TMEM132D: variants seen among roughly 807,000 people sequenced by gnomAD.
TMEM132D encodes the protein mature OL transmembrane protein.
Under a neutral mutation model 62.3 loss-of-function variants are expected in TMEM132D, and 21 were observed. The observed-to-expected ratio is 0.34, with a 90% CI of 0.24 to 0.49. The LOEUF (loss-of-function observed/expected upper bound fraction) is 0.49, where lower values mean the gene tolerates loss of function less well. TMEM132D is among the 20% of genes least tolerant of loss of function. TMEM132D has a pLI of 0.99. For missense variants in TMEM132D, 1,346 were observed against 1,402.8 expected, an observed-to-expected ratio of 0.96 and a Z score of 0.65; for synonymous variants, 621 against 575.6, an observed-to-expected ratio of 1.08 and a Z score of -1.13.
At chr12:129,430,183 G>C (rs1034627252) in intron 3 of TMEM132D, among the ~76,000 whole-genome samples, 2 of 152,140 alleles carry the variant, frequency 1.3e-5, no homozygotes, top group Admixed American at 6.5e-5. Flanking sequence ...GGTTGAACTA[G>C]TTTACAGTCC....
chr12:129,134,506 G>A (rs771385470), intron 5 of TMEM132D, among the ~76,000 whole-genome samples: 1 of 151,998 alleles, frequency 6.6e-6, no homozygotes, highest in Non-Finnish European at 1.5e-5. Context: ...CGATGGGGGT[G>A]GAAATGATTT....
intron 2 of TMEM132D, among the ~76,000 whole-genome samples, chr12:129,576,501 CATAA>C (rs1166241425): frequency 6.6e-6 from 1 of 151,348 alleles, no homozygotes; most frequent in Admixed American, 6.6e-5. Flanking sequence ...TATCTGTTTA[CATAA>C]ATATATACAC....
At chr12:129,190,769 C>T (rs139869814) in intron 5 of TMEM132D, among the ~76,000 whole-genome samples, 108 of 152,316 alleles carry the variant, frequency 7.1e-4, no homozygotes, top group African/African-American at 2.4e-3. Flanking sequence ...TGTAAGATAA[C>T]ACATTTGTGT....
At chr12:129,638,298 A>T (rs1016568960) in intron 2 of TMEM132D, among the ~76,000 whole-genome samples, 39 of 152,156 alleles carry the variant, frequency 2.6e-4, no homozygotes, top group Non-Finnish European at 5.0e-4. Context: ...ACTGGCTGAT[A>T]AAATCACCTC....
chr12:129,123,954 A>AGGTCTCCAGCTGCAGAAGGAG (rs1876138279), intron 5 of TMEM132D, among the ~76,000 whole-genome samples: 1 of 152,068 alleles, frequency 6.6e-6, no homozygotes, highest in African/African-American at 2.4e-5. Flanking sequence ...CCGGCTTTCC[A>AGGTCTCCAGCTGCAGAAGGAG]GGTCTCCAGC....
At position 129,867,021 on chromosome 12, in the gene TMEM132D, G is replaced by A. The variant is rs1874080695; in HGVS notation, c.79+36240C>T. ...CCGGCACCTTGCGAAGCTGAGGCAG[G>A]CAGATGGCCTGAGCTCAGGAGTTGG... On this transcript the variant is annotated intron_variant, in intron 1 of 8. Coordinates refer to ENST00000422113, the MANE Select transcript of TMEM132D (RefSeq NM_133448.3). The surrounding 1 kb of genome is among the most constrained non-coding windows in gnomAD (Gnocchi z 4.5). Among the ~76,000 whole-genome samples, 1 of 152,060 alleles carries A rather than the reference G, an allele frequency of 6.6e-6. No homozygotes were observed.
intron 5 of TMEM132D, among the ~76,000 whole-genome samples, chr12:129,111,884 T>A (rs1442954451): frequency 1.3e-5 from 2 of 152,194 alleles, no homozygotes; most frequent in African/African-American, 2.4e-5. Context: ...ATTTAATGCG[T>A]GTATCCAGTA....
Position 129,073,475 on chromosome 12 carries a change from C to T in TMEM132D, c.*400G>A, listed in dbSNP as rs1441595312. 6.2e-6 allele frequency: 1 copy of T among 160,554 alleles called. No individual in the cohort carries two copies. Among genetic ancestry groups the T allele is most frequent in the African/African-American group, 2.4e-5 (1 of 41,702 alleles). 9.9% of individuals were successfully genotyped at this position (160,554 alleles called of 1,614,324 possible). ...GATCCATGGATGCGATCCATGGATGCTCCACCTGAGTTGTACTTTTCTTCC... is the reference window on the plus strand; with the variant it reads ...GATCCATGGATGCGATCCATGGATGTTCCACCTGAGTTGTACTTTTCTTCC... On this transcript the variant is annotated 3_prime_UTR_variant, in exon 9 of 9. Coordinates refer to ENST00000422113, the MANE Select transcript of TMEM132D (RefSeq NM_133448.3).
At chr12:129,562,781 G>C (rs1006373684) in intron 2 of TMEM132D, among the ~76,000 whole-genome samples, 3 of 152,136 alleles carry the variant, frequency 2.0e-5, no homozygotes, top group Non-Finnish European at 4.4e-5. Flanking sequence ...TGCTATTCCT[G>C]GGTGTAGAAT....
At chr12:129,374,443 G>T (rs1239292343) in intron 3 of TMEM132D, among the ~76,000 whole-genome samples, 1 of 152,090 alleles carries the variant, frequency 6.6e-6, no homozygotes, top group Non-Finnish European at 1.5e-5. Flanking sequence ...ATTTGGGGAT[G>T]GACACATTCA....
intron 1 of TMEM132D, among the ~76,000 whole-genome samples, chr12:129,720,386 T>TGCC (rs1385640262): frequency 6.6e-6 from 1 of 152,218 alleles, no homozygotes; most frequent in Non-Finnish European, 1.5e-5. Flanking sequence ...TTCTAGAACC[T>TGCC]GCCCAGTATT....
chr12:129,809,833 T>C (rs565671290), intron 1 of TMEM132D, among the ~76,000 whole-genome samples: 1 of 152,162 alleles, frequency 6.6e-6, no homozygotes, highest in South Asian at 2.1e-4. Flanking sequence ...GCTCAGAAAA[T>C]TTCAGGACTT....
chr12:129,440,587 G>T (rs1357387323), intron 3 of TMEM132D, among the ~76,000 whole-genome samples: 1 of 152,180 alleles, frequency 6.6e-6, no homozygotes, highest in Non-Finnish European at 1.5e-5. Context: ...ATATCTAAGA[G>T]GTTATTGGGT....
intron 1 of TMEM132D, among the ~76,000 whole-genome samples, chr12:129,722,746 T>C (rs1868886575): frequency 1.4e-5 from 2 of 148,044 alleles, no homozygotes. Context: ...TTTTTTCTTT[T>C]TTTTTTTTTT....
chr12:129,111,031 C>G (rs901774800), intron 5 of TMEM132D: 1 of 152,640 alleles, frequency 6.6e-6, no homozygotes, highest in African/African-American at 2.4e-5. Flanking sequence ...AGCCCCCCTG[C>G]CACCTTCAGG....
chr12:129,150,066 G>C (rs948847987), intron 5 of TMEM132D, among the ~76,000 whole-genome samples: 17 of 152,210 alleles, frequency 1.1e-4, no homozygotes, highest in Non-Finnish European at 1.6e-4. Flanking sequence ...CAGAAGCTGC[G>C]CCTCCTGCAG....
At chr12:129,830,687 G>A (rs1872802382) in intron 1 of TMEM132D, among the ~76,000 whole-genome samples, 1 of 152,084 alleles carries the variant, frequency 6.6e-6, no homozygotes, top group African/African-American at 2.4e-5. Context: ...CTGTGTCACA[G>A]GCACTCGTCC....
intron 3 of TMEM132D, among the ~76,000 whole-genome samples, chr12:129,500,780 C>G (rs74452334): frequency 0.11 from 16,545 of 152,136 alleles, 1,204 homozygotes; most frequent in African/African-American, 0.2. Context: ...CTGAACAGCC[C>G]AAATGACCCA....
chr12:129,243,718 T>C (rs1346285633), intron 4 of TMEM132D, among the ~76,000 whole-genome samples: 1 of 152,220 alleles, frequency 6.6e-6, no homozygotes, highest in Non-Finnish European at 1.5e-5. Context: ...GCGAATTTAA[T>C]GCAAAGTAAA....
Sources: allele counts gnomAD v4.1 joint callset (sites outside exome capture counted in the v4.1 genomes callset), GRCh38; gene constraint gnomAD v4.1.1; non-coding constraint Gnocchi (gnomAD v3.1); transcripts MANE v1.5; gene names NCBI Gene and HGNC (gene_info 2026-07-23, HGNC 2026-07-21).